Variants in SHANK2 observed in about 807,000 individuals in gnomAD.
The protein encoded by SHANK2 is SH3 and multiple ankyrin repeat domains 2.
Under a neutral mutation model 133.7 loss-of-function variants are expected in SHANK2, and 43 were observed. That is an observed-to-expected ratio of 0.32 (90% CI 0.25 to 0.41). The LOEUF (loss-of-function observed/expected upper bound fraction) is 0.41, where lower values mean the gene tolerates loss of function less well. Among genes scored for constraint, SHANK2 ranks in the 10% least tolerant of loss-of-function variants. SHANK2 has a pLI of 1.00. For missense variants in SHANK2, 1,994 were observed against 2,235.8 expected (o/e 0.89, Z 2.18); for synonymous variants, 1,017 against 952.8 (o/e 1.07, Z -1.24).
At chr11:71,074,802 C>T (rs1348369574) in intron 9 of SHANK2, among the ~76,000 whole-genome samples, 5 of 119,118 alleles carry the variant, frequency 4.2e-5, no homozygotes, top group East Asian at 2.6e-4. Flanking sequence ...TTTTTTGAGA[C>T]GGAGTCTCGC....
In SHANK2 at chr11:71,126,693, C is replaced by T. The variant is rs573925442; in HGVS notation, c.208-7661G>A. Among the ~76,000 whole-genome samples, 96 of 149,698 alleles carry T rather than the reference C, an allele frequency of 6.4e-4. 2 individuals carry two copies. In the South Asian group the frequency reaches 0.019, roughly 30 times the overall value. The stretch of plus-strand genomic sequence containing the variant: ...GAGGTGGAAATGTCAACATTAAGTT[C>T]GGAAGAAGTTGATTCCAACCCTCAT... On this transcript the variant is annotated intron_variant, in intron 3 of 25. Coordinates refer to ENST00000601538, the MANE Select transcript of SHANK2 (RefSeq NM_012309.5).
intron 15 of SHANK2, among the ~76,000 whole-genome samples, chr11:70,671,090 G>T (rs893928448): frequency 1.3e-5 from 2 of 152,168 alleles, no homozygotes; most frequent in Admixed American, 6.5e-5. Context: ...AATGTACAAA[G>T]AACTTGATTC....
intron 17 of SHANK2, 69 bp from the exon 18 acceptor site, chr11:70,503,000 A>G: frequency 6.4e-7 from 1 of 1,564,486 alleles, no homozygotes; most frequent in South Asian, 1.1e-5. Context: ...CACCCACCCA[A>G]GGCAGAGACA....
At chr11:70,875,239 TC>T (rs1949538992) in intron 11 of SHANK2, among the ~76,000 whole-genome samples, 1 of 152,116 alleles carries the variant, frequency 6.6e-6, no homozygotes, top group African/African-American at 2.4e-5. Flanking sequence ...AGAAGTGCCC[TC>T]CTGTTGCGTG....
At chr11:70,922,747 G>A (rs1214440843) in intron 10 of SHANK2, among the ~76,000 whole-genome samples, 1 of 152,028 alleles carries the variant, frequency 6.6e-6, no homozygotes, top group African/African-American at 2.4e-5. Flanking sequence ...ATTCAGAAAG[G>A]AATAAAAAGC....
rs149335166 is a variant in SHANK2 at position 71,181,780 on chromosome 11, G to A, written c.-12-34442C>T. 7.3e-3 allele frequency among the ~76,000 whole-genome samples: 1,107 copies of A among 152,240 alleles called. 18 individuals carry two copies. The highest frequency in any genetic ancestry group is 0.025 in the African/African-American group (1,022 of 41,534). ...CCAGGAATCCTCAATCCTGGACGCC[G>A]TCAGAGCCACCTGTGGAGCAATAAG... is the stretch of plus-strand genomic sequence containing the variant. On this transcript the variant is annotated intron_variant, in intron 2 of 25. Transcript: ENST00000601538.
At chr11:70,498,978 C>A (rs1555157718) in intron 21 of SHANK2, among the ~76,000 whole-genome samples, 1 of 152,202 alleles carries the variant, frequency 6.6e-6, no homozygotes, top group Non-Finnish European at 1.5e-5. Flanking sequence ...CTTTGGGGGT[C>A]ACTTTTCAAC....
chr11:70,644,048 A>G (rs185061389), intron 17 of SHANK2, among the ~76,000 whole-genome samples: 2 of 152,326 alleles, frequency 1.3e-5, no homozygotes, highest in African/African-American at 4.8e-5. Flanking sequence ...GTCCTGTTTC[A>G]GAGCTAAGGA....
At chr11:70,491,207 C>T (rs555948171) in intron 22 of SHANK2, among the ~76,000 whole-genome samples, 41 of 152,346 alleles carry the variant, frequency 2.7e-4, no homozygotes, top group African/African-American at 9.4e-4. Flanking sequence ...TGGAAATATT[C>T]GTGTGCAAGC....
intron 17 of SHANK2, among the ~76,000 whole-genome samples, chr11:70,612,125 G>A (rs529825154): frequency 1.1e-4 from 16 of 152,298 alleles, no homozygotes; most frequent in Admixed American, 9.1e-4. Flanking sequence ...TGCGACTCCT[G>A]CCTGGGAACC....
Position 70,833,600 on chromosome 11 carries a change from A to C in SHANK2, c.1175-12918T>G, listed in dbSNP as rs1378247098. 3.3e-5 allele frequency among the ~76,000 whole-genome samples: 5 copies of C among 152,238 alleles called. No individual in the cohort carries two copies. The East Asian group carries it at 5.8e-4, about 18-fold the overall frequency. ...AAATGTCCCTGGACTCTGGATCCCC[A>C]AAAACAAAGCAAGCACAGTGATGAT... On this transcript the variant is annotated intron_variant, in intron 11 of 25. Coordinates refer to ENST00000601538, the MANE Select transcript of SHANK2 (RefSeq NM_012309.5).
intron 14 of SHANK2, among the ~76,000 whole-genome samples, chr11:70,752,890 G>A (rs1410310975): frequency 1.3e-5 from 2 of 152,092 alleles, no homozygotes; most frequent in Non-Finnish European, 2.9e-5. Flanking sequence ...GAGGCAGGCA[G>A]ATCACGTGAG....
intron 14 of SHANK2, among the ~76,000 whole-genome samples, chr11:70,714,494 A>G (rs1009161735): frequency 1.3e-5 from 2 of 152,240 alleles, no homozygotes; most frequent in Non-Finnish European, 2.9e-5. Flanking sequence ...AAATCGAGGC[A>G]CCGGAAGGTT....
In SHANK2 at chr11:70,930,877, G is replaced by T. The variant is rs1555082394; in HGVS notation, c.1108-34310C>A. On this transcript the variant is annotated intron_variant, in intron 10 of 25. Transcript: ENST00000601538. Reference sequence around the variant, plus strand: ...AGATGGGGTCTCACTATTTTGCCTGGGGTAGTCTGGGGCTCCTAGGCTCAT... The same window carrying T: ...AGATGGGGTCTCACTATTTTGCCTGTGGTAGTCTGGGGCTCCTAGGCTCAT... Among the ~76,000 whole-genome samples, 5 of 151,022 alleles carry T rather than the reference G, an allele frequency of 3.3e-5. No individual in the cohort carries two copies. The East Asian group carries it at 9.7e-4, about 29-fold the overall frequency.
At position 70,468,280 on chromosome 11, in the gene SHANK2, G is replaced by T. The variant is rs1375771067; in HGVS notation, c.*4589C>A. The T allele has an allele frequency of 8.6e-5, 13 of 151,914 alleles. No individual in the cohort carries two copies. Among genetic ancestry groups the T allele is most frequent in the African/African-American group, 2.7e-4 (11 of 41,358 alleles). The allele number at this position is 151,914 out of a possible 1,614,324, so 9.4% of individuals were successfully genotyped here. A position where few individuals can be genotyped will look rare whatever the true frequency, so the allele number is the denominator to read the frequency against. On this transcript the variant is annotated 3_prime_UTR_variant, in exon 26 of 26. Coordinates refer to ENST00000601538, the MANE Select transcript of SHANK2 (RefSeq NM_012309.5). The stretch of plus-strand genomic sequence containing the variant: ...ATTGTTGTAATTTTGAACATAAAAC[G>T]GTAAAGACTGTGGAATGTAGAACAA...
chr11:70,760,841 G>A (rs556315090), intron 14 of SHANK2, among the ~76,000 whole-genome samples: 2 of 152,352 alleles, frequency 1.3e-5, no homozygotes, highest in South Asian at 4.1e-4. Context: ...GTGTAGGAAG[G>A]CTCCCGGGAG....
intron 1 of SHANK2, among the ~76,000 whole-genome samples, chr11:71,232,714 ATTTG>A (rs1393175710): frequency 1.3e-5 from 2 of 152,132 alleles, no homozygotes; most frequent in Admixed American, 6.5e-5. Flanking sequence ...AGATAAGGTT[ATTTG>A]TTTGTATAAC....
intron 17 of SHANK2, among the ~76,000 whole-genome samples, chr11:70,507,760 A>G (rs561380426): frequency 5.2e-4 from 79 of 152,334 alleles, no homozygotes; most frequent in African/African-American, 1.8e-3. Flanking sequence ...TGCACTTAAT[A>G]TAGAAACCAC....
At chr11:70,700,223 A>G (rs978786101) in intron 14 of SHANK2, among the ~76,000 whole-genome samples, 1 of 152,142 alleles carries the variant, frequency 6.6e-6, no homozygotes, top group Non-Finnish European at 1.5e-5. Context: ...CAGCCACATC[A>G]TCACCATCTC....
Sources: gnomAD v4.1 joint callset for allele counts (sites outside exome capture counted in the v4.1 genomes callset) on GRCh38, gnomAD v4.1.1 for gene constraint, MANE v1.5 for transcripts, NCBI Gene and HGNC (gene_info 2026-07-23, HGNC 2026-07-21) for gene names.